The following RAP1A variants were observed in gnomAD, a reference collection of about 807,000 sequenced individuals.
RAP1A encodes the protein RAP1A, member of RAS oncogene family.
RAP1A carries 6 observed loss-of-function variants against 26.4 expected under a neutral mutation model. The observed-to-expected ratio is 0.23, with a 90% CI of 0.12 to 0.45. The LOEUF is 0.45. Ranked by LOEUF, RAP1A falls within the 20% of genes least tolerant of loss-of-function variation. The probability of loss-of-function intolerance (pLI) is 0.99; values close to 1 mark genes in which losing one functional copy is unlikely to be tolerated. For missense variants in RAP1A, 121 were observed against 217.2 expected (o/e 0.56, Z 2.78); for synonymous variants, 73 against 79.4 (o/e 0.92, Z 0.43).
At chr1:111,642,865 G>T (rs1461206273) in intron 1 of RAP1A, among the ~76,000 whole-genome samples, 2 of 150,360 alleles carry the variant, frequency 1.3e-5, no homozygotes, top group Non-Finnish European at 3.0e-5. Flanking sequence ...TCACTCCTGG[G>T]TTCAGGTGAT....
At chr1:111,653,683 C>CAAAAAA (rs71099925) in intron 1 of RAP1A, among the ~76,000 whole-genome samples, 2 of 65,696 alleles carry the variant, frequency 3.0e-5, no homozygotes, top group African/African-American at 7.0e-5. Flanking sequence ...AACTCTGTCT[C>CAAAAAA]AAAAAAAAAA....
At chr1:111,624,809 C>T (rs112970067) in intron 1 of RAP1A, among the ~76,000 whole-genome samples, 1,663 of 152,016 alleles carry the variant, frequency 0.011, 20 homozygotes, top group African/African-American at 0.037. Flanking sequence ...ACTTGATATA[C>T]GCATGGAAAA....
At chr1:111,690,428 T>A (rs475502) in intron 1 of RAP1A, among the ~76,000 whole-genome samples, 18,023 of 152,292 alleles carry the variant, frequency 0.12, 1,405 homozygotes, top group East Asian at 0.21. Flanking sequence ...ATGCTTAGCT[T>A]CCACTTCTCT....
intron 1 of RAP1A, among the ~76,000 whole-genome samples, chr1:111,680,173 G>A (rs527972102): frequency 2.0e-5 from 3 of 152,270 alleles, no homozygotes; most frequent in South Asian, 2.1e-4. Context: ...ATGAAGCCAC[G>A]GACCTTCATG....
chr1:111,713,250 T>C lies in RAP1A; in HGVS notation c.*849T>C, dbSNP rs1662439878. On this transcript the variant is annotated 3_prime_UTR_variant, in exon 8 of 8. Coordinates refer to ENST00000369709, the MANE Select transcript of RAP1A (RefSeq NM_002884.4). ...CTGGCTTTAAACTATACTAAGTAACTGGTGATTTCTCTAGGAACAGACCTC... is the reference window on the plus strand; with the variant it reads ...CTGGCTTTAAACTATACTAAGTAACCGGTGATTTCTCTAGGAACAGACCTC... 6.6e-6 allele frequency: 1 copy of C among 152,288 alleles called. No individual in the cohort carries two copies. Among genetic ancestry groups the C allele is most frequent in the Non-Finnish European group, 1.5e-5 (1 of 67,982 alleles). 9.4% of individuals were successfully genotyped at this position (152,288 alleles called of 1,614,324 possible).
intron 1 of RAP1A, among the ~76,000 whole-genome samples, chr1:111,572,555 A>G (rs566527936): frequency 4.6e-5 from 7 of 152,246 alleles, no homozygotes; most frequent in Non-Finnish European, 7.3e-5. Flanking sequence ...CAGTAGAGAC[A>G]GGCCTGGGTG....
At chr1:111,603,251 G>A (rs982033651) in intron 1 of RAP1A, among the ~76,000 whole-genome samples, 1 of 152,204 alleles carries the variant, frequency 6.6e-6, no homozygotes, top group Admixed American at 6.5e-5. Flanking sequence ...TTCAAGGTTT[G>A]GTTCCTGGAA....
At chr1:111,617,303 C>T (rs965006686), upstream of RAP1A, among the ~76,000 whole-genome samples, 13 of 152,200 alleles carry the variant, frequency 8.5e-5, no homozygotes, top group African/African-American at 3.1e-4. Flanking sequence ...TACCTTCTCT[C>T]CAGAAACAGT....
chr1:111,590,091 G>GT (rs1658443328), intron 1 of RAP1A, among the ~76,000 whole-genome samples: 1 of 151,938 alleles, frequency 6.6e-6, no homozygotes. Flanking sequence ...CTAATTATTT[G>GT]TTTTTTCTTA....
chr1:111,585,775 T>G (rs1286876989), intron 1 of RAP1A, among the ~76,000 whole-genome samples: 1 of 152,066 alleles, frequency 6.6e-6, no homozygotes, highest in African/African-American at 2.4e-5. Flanking sequence ...TGAGTTATCA[T>G]ATATCATCTA....
At chr1:111,575,734 C>T (rs930377129) in intron 1 of RAP1A, among the ~76,000 whole-genome samples, 1 of 152,138 alleles carries the variant, frequency 6.6e-6, no homozygotes, top group African/African-American at 2.4e-5. Flanking sequence ...AGACACCAAA[C>T]CTGCTGACAC....
At chr1:111,598,910 G>C (rs1435070458) in intron 1 of RAP1A, among the ~76,000 whole-genome samples, 1 of 152,174 alleles carries the variant, frequency 6.6e-6, no homozygotes, top group Non-Finnish European at 1.5e-5. Context: ...TTCAAGTTGG[G>C]ATTCCTACGA....
chr1:111,625,360 A>G (rs1245650117), intron 1 of RAP1A, among the ~76,000 whole-genome samples: 1 of 152,152 alleles, frequency 6.6e-6, no homozygotes, highest in Non-Finnish European at 1.5e-5. Context: ...TAGAAAAGAC[A>G]AAACTATAAA....
intron 1 of RAP1A, among the ~76,000 whole-genome samples, chr1:111,637,392 A>G (rs1456537174): frequency 6.6e-6 from 1 of 152,170 alleles, no homozygotes; most frequent in Non-Finnish European, 1.5e-5. Context: ...CCCTCATGAA[A>G]TTTTAATGCC....
At chr1:111,603,443 C>T (rs1175480229) in intron 1 of RAP1A, among the ~76,000 whole-genome samples, 2 of 152,162 alleles carry the variant, frequency 1.3e-5, no homozygotes, top group Admixed American at 1.3e-4. Context: ...AATTAGTTTA[C>T]TGGGGACTCT....
At chr1:111,625,705 A>G (rs571436408) in intron 1 of RAP1A, among the ~76,000 whole-genome samples, 2 of 152,276 alleles carry the variant, frequency 1.3e-5, no homozygotes, top group South Asian at 2.1e-4. Context: ...CTTTGGAACT[A>G]CCCTTTAAAT....
intron 1 of RAP1A, among the ~76,000 whole-genome samples, chr1:111,563,494 TG>T (rs971827087): frequency 6.6e-6 from 1 of 152,206 alleles, no homozygotes; most frequent in African/African-American, 2.4e-5. Context: ...GAAACGAGCC[TG>T]AGTTTTATAT....
intron 1 of RAP1A, among the ~76,000 whole-genome samples, chr1:111,551,626 A>G (rs1467998517): frequency 2.6e-5 from 4 of 152,188 alleles, no homozygotes; most frequent in Non-Finnish European, 5.9e-5. Flanking sequence ...GCTGTCTTTT[A>G]AATCAGATTT....
intron 1 of RAP1A, among the ~76,000 whole-genome samples, chr1:111,611,740 G>A (rs1171334079): frequency 6.6e-6 from 1 of 152,186 alleles, no homozygotes; most frequent in African/African-American, 2.4e-5. Flanking sequence ...TTGAACTCAC[G>A]CTGTGTGACT....
Sources: allele counts gnomAD v4.1 joint callset (sites outside exome capture counted in the v4.1 genomes callset), GRCh38; gene constraint gnomAD v4.1.1; transcripts MANE v1.5; gene names NCBI Gene and HGNC (gene_info 2026-07-23, HGNC 2026-07-21).